Variants in MGAT4A observed in about 807,000 individuals in gnomAD.
MGAT4A encodes N-acetylglucosaminyltransferase IVa.
MGAT4A carries 33 observed loss-of-function variants against 74.1 expected under a neutral mutation model. That is an observed-to-expected ratio of 0.45 (90% CI 0.34 to 0.60). MGAT4A has a LOEUF of 0.60. Ranked by LOEUF, MGAT4A falls within the 20% of genes least tolerant of loss-of-function variation. The pLI, the probability that MGAT4A is intolerant of heterozygous loss-of-function variation, is 0.02. For synonymous variants in MGAT4A, 198 were observed against 210.4 expected, an observed-to-expected ratio of 0.94 and a Z score of 0.51; for missense variants, 479 against 628.3, an observed-to-expected ratio of 0.76 and a Z score of 2.54.
At chr2:98,659,540 C>T (rs193188267) in intron 5 of MGAT4A, among the ~76,000 whole-genome samples, 1 of 152,258 alleles carries the variant, frequency 6.6e-6, no homozygotes, top group Non-Finnish European at 1.5e-5. Flanking sequence ...ATTGTAGCTC[C>T]CATAATTCCC....
intron 2 of MGAT4A, among the ~76,000 whole-genome samples, chr2:98,698,310 G>C (rs961737570): frequency 2.8e-5 from 4 of 143,888 alleles, no homozygotes; most frequent in African/African-American, 9.8e-5. Flanking sequence ...AGCTACTTGG[G>C]AGGCTGAGGC....
intron 2 of MGAT4A, among the ~76,000 whole-genome samples, chr2:98,718,119 A>T (rs76666441): frequency 6.6e-6 from 1 of 152,224 alleles, no homozygotes; most frequent in East Asian, 1.9e-4. Flanking sequence ...TTCTCAGAAT[A>T]TACTGTAGTC....
intron 2 of MGAT4A, among the ~76,000 whole-genome samples, chr2:98,681,680 G>A (rs1702062054): frequency 2.6e-5 from 4 of 152,138 alleles, no homozygotes; most frequent in African/African-American, 4.8e-5. Context: ...TGGAGGCCGG[G>A]CGTGATAGCT....
chr2:98,643,802 G>T, intron 10 of MGAT4A, 121 bp downstream of exon 10: 3 of 991,424 alleles, frequency 3.0e-6, no homozygotes, highest in Non-Finnish European at 4.1e-6. Context: ...CTTTTTATCA[G>T]CTCAGGAAAG....
chr2:98,696,902 A>G (rs1027270666), intron 2 of MGAT4A, among the ~76,000 whole-genome samples: 2 of 152,182 alleles, frequency 1.3e-5, no homozygotes, highest in Non-Finnish European at 2.9e-5. Flanking sequence ...TCTCCCTTTT[A>G]TCTTATGTAA....
intron 1 of MGAT4A, among the ~76,000 whole-genome samples, chr2:98,729,612 C>T (rs537855442): frequency 6.6e-6 from 1 of 152,348 alleles, no homozygotes; most frequent in Non-Finnish European, 1.5e-5. Context: ...ACTTTCAACT[C>T]TAGACATCAG....
chr2:98,711,491 T>C (rs1366370431), intron 2 of MGAT4A, among the ~76,000 whole-genome samples: 1 of 152,044 alleles, frequency 6.6e-6, no homozygotes, highest in Non-Finnish European at 1.5e-5. Flanking sequence ...TAGGAAGGTT[T>C]AGAGATGAAG....
chr2:98,696,565 G>A (rs1702278132), intron 2 of MGAT4A, among the ~76,000 whole-genome samples: 2 of 152,224 alleles, frequency 1.3e-5, no homozygotes, highest in Non-Finnish European at 2.9e-5. Flanking sequence ...TAAAGCGCAT[G>A]TCATCTCTTA....
intron 4 of MGAT4A, among the ~76,000 whole-genome samples, chr2:98,670,489 G>A (rs1014731097): frequency 4.6e-5 from 7 of 151,988 alleles, no homozygotes; most frequent in South Asian, 2.1e-4. Flanking sequence ...ATTCTAGTTC[G>A]TATTTCCTTT....
At chr2:98,643,034 T>C (rs958132651) in intron 10 of MGAT4A, among the ~76,000 whole-genome samples, 1 of 152,352 alleles carries the variant, frequency 6.6e-6, no homozygotes. Context: ...CTTACAGTAA[T>C]ACTTATCATT....
chr2:98,679,115 C>G (rs1702019492), intron 2 of MGAT4A, among the ~76,000 whole-genome samples: 1 of 151,924 alleles, frequency 6.6e-6, no homozygotes. Flanking sequence ...AGTTCAAGAC[C>G]AGCCTAGATG....
intron 2 of MGAT4A, among the ~76,000 whole-genome samples, chr2:98,701,829 A>G (rs1157251641): frequency 6.6e-6 from 1 of 152,194 alleles, no homozygotes; most frequent in African/African-American, 2.4e-5. Flanking sequence ...TAGAAAGTCA[A>G]TATGGCAAAA....
intron 10 of MGAT4A, among the ~76,000 whole-genome samples, chr2:98,643,411 A>G (rs1367570348): frequency 6.6e-6 from 1 of 152,226 alleles, no homozygotes; most frequent in Non-Finnish European, 1.5e-5. Context: ...ACTTGACTGC[A>G]ACTATTATCC....
chr2:98,622,470 T>G lies in MGAT4A; in HGVS notation c.*3096A>C. Reference sequence around the variant, plus strand: ...ACTAGTCCCAACCTTTGACACTTTTTCCATTTACTATTTTGGTAAAATGAT... The same window carrying G: ...ACTAGTCCCAACCTTTGACACTTTTGCCATTTACTATTTTGGTAAAATGAT... On this transcript the variant is annotated 3_prime_UTR_variant, in exon 16 of 16. Transcript: ENST00000393487. 2.0e-6 allele frequency: 2 copies of G among 985,466 alleles called. No homozygotes were observed. Among genetic ancestry groups the G allele is most frequent in the South Asian group, 9.4e-5 (2 of 21,290 alleles). The allele number at this position is 985,466 out of a possible 1,614,324, so 61.0% of individuals were successfully genotyped here. A position where few individuals can be genotyped will look rare whatever the true frequency, so the allele number is the denominator to read the frequency against.
At chr2:98,665,404 T>G (rs1028013945) in intron 4 of MGAT4A, among the ~76,000 whole-genome samples, 1 of 151,778 alleles carries the variant, frequency 6.6e-6, no homozygotes, top group Admixed American at 6.6e-5. Flanking sequence ...ACCATGATTC[T>G]TGAGGTAAGA....
chr2:98,720,200 C>A (rs963308679), intron 2 of MGAT4A, among the ~76,000 whole-genome samples: 31 of 152,180 alleles, frequency 2.0e-4, no homozygotes, highest in Admixed American at 2.0e-3. Context: ...CTAAGGAATG[C>A]CCAGACAGCT....
intron 2 of MGAT4A, among the ~76,000 whole-genome samples, chr2:98,696,282 A>G (rs1159533923): frequency 6.6e-6 from 1 of 152,238 alleles, no homozygotes; most frequent in Non-Finnish European, 1.5e-5. Context: ...GTAGGAACGC[A>G]GAAGTATTAG....
At chr2:98,676,866 C>T (rs1469118271) in intron 3 of MGAT4A, among the ~76,000 whole-genome samples, 1 of 152,152 alleles carries the variant, frequency 6.6e-6, no homozygotes, top group East Asian at 1.9e-4. Flanking sequence ...GTAGAAATCA[C>T]TTGGCATCAG....
intron 14 of MGAT4A, among the ~76,000 whole-genome samples, chr2:98,631,813 C>T (rs1361622323): frequency 6.6e-6 from 1 of 152,190 alleles, no homozygotes; most frequent in African/African-American, 2.4e-5. Context: ...AAGCTTCTGT[C>T]CTTGTGATAA....
Sources: allele counts gnomAD v4.1 joint callset (sites outside exome capture counted in the v4.1 genomes callset), GRCh38; gene constraint gnomAD v4.1.1; transcripts MANE v1.5; gene names NCBI Gene and HGNC (gene_info 2026-07-23, HGNC 2026-07-21).